Variants in DOK6 observed in about 807,000 individuals in gnomAD.
DOK6 encodes docking protein 6, also known as downstream of tyrosine kinase 6.
A neutral mutation model predicts 44.0 loss-of-function variants in DOK6; 22 were observed. The observed-to-expected ratio is 0.50, with a 90% CI of 0.36 to 0.71. The LOEUF is 0.71. Ranked by LOEUF, DOK6 falls within the 30% of genes least tolerant of loss-of-function variation. The pLI, the probability that DOK6 is intolerant of heterozygous loss-of-function variation, is 0.00. For missense variants in DOK6, 340 were observed against 416.4 expected (o/e 0.82, Z 1.60); for synonymous variants, 166 against 145.5 (o/e 1.14, Z -1.01).
chr18:69,462,768 C>T (rs1979822456), intron 1 of DOK6, among the ~76,000 whole-genome samples: 1 of 152,140 alleles, frequency 6.6e-6, no homozygotes, highest in Non-Finnish European at 1.5e-5. Context: ...AGATTAATAG[C>T]ATTTAAGCAT....
intron 3 of DOK6, among the ~76,000 whole-genome samples, chr18:69,636,378 T>C (rs1304457284): frequency 1.3e-5 from 2 of 152,184 alleles, no homozygotes; most frequent in Non-Finnish European, 2.9e-5. Flanking sequence ...TCACACGTCC[T>C]TAATTAATGC....
intron 1 of DOK6, among the ~76,000 whole-genome samples, chr18:69,557,681 C>A (rs887737792): frequency 6.6e-6 from 1 of 151,938 alleles, no homozygotes; most frequent in Non-Finnish European, 1.5e-5. Context: ...CGGAGGGGCA[C>A]CTAGGAGCCT....
intron 1 of DOK6, among the ~76,000 whole-genome samples, chr18:69,467,040 A>G (rs1199386059): frequency 6.6e-6 from 1 of 152,154 alleles, no homozygotes; most frequent in Non-Finnish European, 1.5e-5. Flanking sequence ...GCAACGTCAA[A>G]GAGATCAGAA....
chr18:69,412,228 G>A (rs1978309396), intron 1 of DOK6, among the ~76,000 whole-genome samples: 1 of 152,008 alleles, frequency 6.6e-6, no homozygotes, highest in Non-Finnish European at 1.5e-5. Flanking sequence ...GGAGGTAGAG[G>A]TCATGTGATC....
chr18:69,419,486 A>G (rs1239368360), intron 1 of DOK6, among the ~76,000 whole-genome samples: 1 of 152,180 alleles, frequency 6.6e-6, no homozygotes, highest in East Asian at 1.9e-4. Context: ...GAAAAGTAAT[A>G]GCACCTAAAG....
chr18:69,824,825 C>T lies in DOK6; in HGVS notation c.857-16419C>T, dbSNP rs559853506. Among the ~76,000 whole-genome samples, 142 of 152,272 alleles carry T rather than the reference C, an allele frequency of 9.3e-4. 1 individual carries two copies. Among genetic ancestry groups the T allele is most frequent in the African/African-American group, 3.2e-3 (134 of 41,554 alleles). On this transcript the variant is annotated intron_variant, in intron 7 of 7. Coordinates refer to ENST00000382713, the MANE Select transcript of DOK6 (RefSeq NM_152721.6). ...AGAAAGCCACTTTAAATTGCGGCTC[C>T]GCAGGACTGAATGAAGTGAAGACTG...
chr18:69,697,225 C>T (rs1457007720), intron 4 of DOK6, among the ~76,000 whole-genome samples: 1 of 152,078 alleles, frequency 6.6e-6, no homozygotes, highest in Non-Finnish European at 1.5e-5. Flanking sequence ...TACCAGCAAA[C>T]ATGTAGCATT....
At chr18:69,402,905 A>G (rs1916130786) in intron 1 of DOK6, among the ~76,000 whole-genome samples, 1 of 152,194 alleles carries the variant, frequency 6.6e-6, no homozygotes, top group Admixed American at 6.5e-5. Flanking sequence ...GCGGTTCTCC[A>G]GGAGTCTGGT....
intron 7 of DOK6, among the ~76,000 whole-genome samples, chr18:69,814,403 T>C (rs1456748255): frequency 6.6e-6 from 1 of 152,008 alleles, no homozygotes; most frequent in African/African-American, 2.4e-5. Context: ...GGATAGATGG[T>C]CCCATCTGGA....
intron 1 of DOK6, among the ~76,000 whole-genome samples, chr18:69,452,290 C>A (rs1409256579): frequency 2.0e-5 from 3 of 150,818 alleles, no homozygotes; most frequent in Non-Finnish European, 2.9e-5. Context: ...AACACCTCTA[C>A]GCAAATAAAC....
At chr18:69,577,112 T>C (rs1330839568) in intron 2 of DOK6, among the ~76,000 whole-genome samples, 1 of 152,102 alleles carries the variant, frequency 6.6e-6, no homozygotes, top group East Asian at 1.9e-4. Context: ...TATCCTTAGG[T>C]AAAGCAAACA....
In DOK6 at chr18:69,514,845, T is replaced by TG. The variant is rs202171540; in HGVS notation, c.67-49642_67-49641insG. Reference sequence around the variant, plus strand: ...ACTAAAGCTCTCCATATATATTTTTTTTTTTTGAAGAAACAGATGCTTGCT... The same window carrying TG: ...ACTAAAGCTCTCCATATATATTTTTTGTTTTTTGAAGAAACAGATGCTTGCT... On this transcript the variant is annotated intron_variant, in intron 1 of 7. Coordinates refer to ENST00000382713, the MANE Select transcript of DOK6 (RefSeq NM_152721.6). Among the ~76,000 whole-genome samples, 217 of 101,086 alleles carry TG rather than the reference T, an allele frequency of 2.1e-3. 2 individuals carry two copies. The East Asian group carries it at 0.043, about 20-fold the overall frequency. 66.3% of individuals were successfully genotyped at this position (101,086 alleles called of 152,430 possible).
chr18:69,438,477 T>G (rs910168595), intron 1 of DOK6, among the ~76,000 whole-genome samples: 51 of 152,342 alleles, frequency 3.3e-4, no homozygotes, highest in African/African-American at 1.2e-3. Context: ...TGTAGTTCCT[T>G]CCTCTGCTGA....
chr18:69,649,093 T>C (rs577208181), intron 3 of DOK6, among the ~76,000 whole-genome samples: 61 of 152,288 alleles, frequency 4.0e-4, no homozygotes, highest in African/African-American at 1.4e-3. Context: ...AGCTTCCCAC[T>C]GGAGAAGTCT....
At chr18:69,401,407 G>C in intron 1 of DOK6, 97 bp downstream of exon 1, 2 of 1,287,262 alleles carry the variant, frequency 1.6e-6, no homozygotes, top group Non-Finnish European at 2.0e-6. Flanking sequence ...TGCGGGTACA[G>C]GGCAGAGAGG....
At chr18:69,648,019 A>G (rs1161410205) in intron 3 of DOK6, among the ~76,000 whole-genome samples, 1 of 152,162 alleles carries the variant, frequency 6.6e-6, no homozygotes, top group Non-Finnish European at 1.5e-5. Flanking sequence ...AGTGACTAGA[A>G]GCCTATCAAA....
chr18:69,610,192 G>T (rs1361031815), intron 3 of DOK6, among the ~76,000 whole-genome samples: 1 of 152,050 alleles, frequency 6.6e-6, no homozygotes, highest in Non-Finnish European at 1.5e-5. Flanking sequence ...TTTAAGAAAG[G>T]GGAAAAATGA....
intron 3 of DOK6, among the ~76,000 whole-genome samples, chr18:69,615,184 A>G (rs1407608569): frequency 6.6e-6 from 1 of 152,204 alleles, no homozygotes; most frequent in Admixed American, 6.5e-5. Flanking sequence ...ACAAAGGAGA[A>G]AATCAATTTT....
intron 7 of DOK6, among the ~76,000 whole-genome samples, chr18:69,838,862 T>G (rs981101856): frequency 1.5e-5 from 2 of 132,432 alleles, no homozygotes; most frequent in African/African-American, 2.8e-5. Context: ...TAATTCTTCC[T>G]GCAGCTCCTC....
Sources: allele counts gnomAD v4.1 joint callset (sites outside exome capture counted in the v4.1 genomes callset), GRCh38; gene constraint gnomAD v4.1.1; transcripts MANE v1.5; gene names NCBI Gene and HGNC (gene_info 2026-07-23, HGNC 2026-07-21).